The following NSUN4 variants were observed in gnomAD, a reference collection of about 807,000 sequenced individuals.
The protein encoded by NSUN4 is NOP2/Sun RNA methyltransferase 4.
A neutral mutation model predicts 43.8 loss-of-function variants in NSUN4; 31 were observed. That is an observed-to-expected ratio of 0.71 (90% CI 0.53 to 0.96). The LOEUF is 0.96. Among genes scored for constraint, NSUN4 ranks in the 40% least tolerant of loss-of-function variants. The pLI is 0.00. For missense variants in NSUN4, 439 were observed against 475.6 expected, an observed-to-expected ratio of 0.92 and a Z score of 0.72; for synonymous variants, 167 against 184.1, an observed-to-expected ratio of 0.91 and a Z score of 0.75.
intron 1 of NSUN4, 84 bp downstream of exon 1, chr1:46,341,003 C>A: frequency 7.5e-7 from 1 of 1,330,640 alleles, no homozygotes; most frequent in Non-Finnish European, 1.0e-6. Flanking sequence ...TCTAGAACGC[C>A]TAGCGTCTTT....
chr1:46,382,812 G>A, the NSUN4 span, among the ~76,000 whole-genome samples: 5 of 152,172 alleles, frequency 3.3e-5, no homozygotes, highest in African/African-American at 9.6e-5. Flanking sequence ...ATGTTGGTCA[G>A]GCTGGTCTCG....
At chr1:46,349,827 G>A (rs182296247) in intron 3 of NSUN4, among the ~76,000 whole-genome samples, 2 of 152,288 alleles carry the variant, frequency 1.3e-5, no homozygotes, top group Admixed American at 6.5e-5. Flanking sequence ...TGAATGCTGT[G>A]GGAATCCATT....
intron 3 of NSUN4, among the ~76,000 whole-genome samples, chr1:46,348,221 T>A (rs1662667334): frequency 6.6e-6 from 1 of 152,128 alleles, no homozygotes; most frequent in Non-Finnish European, 1.5e-5. Context: ...CTGGCTGATA[T>A]CCTGCCTGCC....
chr1:46,351,757 C>T (rs1033291825), intron 3 of NSUN4, among the ~76,000 whole-genome samples: 1 of 149,840 alleles, frequency 6.7e-6, no homozygotes, highest in Admixed American at 6.7e-5. Context: ...CTCTGCCTCC[C>T]GGGTTCACGC....
At chr1:46,342,995 A>C (rs779315168) in intron 1 of NSUN4, 4 of 399,576 alleles carry the variant, frequency 1.0e-5, no homozygotes, top group Non-Finnish European at 1.3e-5. Flanking sequence ...TGGTCCCTAG[A>C]GCTCTCAAAA....
intron 3 of NSUN4, among the ~76,000 whole-genome samples, chr1:46,348,071 A>G (rs185635559): frequency 5.9e-4 from 90 of 152,104 alleles, no homozygotes; most frequent in African/African-American, 2.0e-3. Flanking sequence ...TAGTAGAGAC[A>G]GGGTTTCACC....
intron 1 of NSUN4, chr1:46,344,095 T>A: frequency 3.9e-6 from 1 of 254,622 alleles, no homozygotes; most frequent in East Asian, 6.9e-5. Context: ...TCATTTCTCT[T>A]TTACTCTGCC....
chr1:46,342,464 G>A (rs1158635488), intron 1 of NSUN4: 1 of 399,034 alleles, frequency 2.5e-6, no homozygotes, highest in African/African-American at 2.1e-5. Context: ...CCATCTGCCT[G>A]TGCCCCGGGA....
At chr1:46,380,975 G>A in the NSUN4 span, among the ~76,000 whole-genome samples, 4 of 152,044 alleles carry the variant, frequency 2.6e-5, no homozygotes, top group Non-Finnish European at 5.9e-5. Context: ...TATTTGCTGT[G>A]GGGGGATACT....
At chr1:46,373,902 C>T in the NSUN4 span, among the ~76,000 whole-genome samples, 2 of 151,194 alleles carry the variant, frequency 1.3e-5, no homozygotes, top group African/African-American at 4.9e-5. Flanking sequence ...ATGGTGGTTA[C>T]CAGAGGTGTG....
chr1:46,353,320 C>T (rs1181662003), intron 4 of NSUN4, among the ~76,000 whole-genome samples: 1 of 152,170 alleles, frequency 6.6e-6, no homozygotes. Flanking sequence ...CAGAAAGCCT[C>T]ATGAAGGTAA....
rs1306070936 is a variant in NSUN4, at chr1:46,364,323, ACT to A, written c.*2480_*2481del. On this transcript the variant is annotated 3_prime_UTR_variant, in exon 6 of 6. Coordinates refer to ENST00000474844, the MANE Select transcript of NSUN4 (RefSeq NM_199044.4). Reference sequence around the variant, plus strand: ...ACTCCAGCCAGGGTGACAGAGTGAGACTCTGTCTCAAAAAAAAAAAAAAAAAA... The same window carrying A: ...ACTCCAGCCAGGGTGACAGAGTGAGACTGTCTCAAAAAAAAAAAAAAAAAA... 7.4e-5 allele frequency: 7 copies of A among 95,162 alleles called. No individual in the cohort carries two copies. The Admixed American group carries it at 1.0e-3, about 14-fold the overall frequency. The allele number at this position is 95,162 out of a possible 1,614,324, so 5.9% of individuals were successfully genotyped here.
At position 46,348,808 on chromosome 1, in the gene NSUN4, GTTTTTTTTTT is replaced by G. The variant is rs869234807; in HGVS notation, c.592+1748_592+1757del. On this transcript the variant is annotated intron_variant, in intron 3 of 5. Transcript: ENST00000474844. ...TAGCCCAGCGAAGGCCTTGTGCACTGTTTTTTTTTTTTTTTTTTTTTTTTGAGAAGAAGTT... is the reference window on the plus strand; with the variant it reads ...TAGCCCAGCGAAGGCCTTGTGCACTGTTTTTTTTTTTTTTGAGAAGAAGTT... 1.8e-4 allele frequency among the ~76,000 whole-genome samples: 14 copies of G among 77,868 alleles called. No homozygotes were observed. In the East Asian group the frequency reaches 5.6e-3, roughly 31 times the overall value. 51.1% of individuals were successfully genotyped at this position (77,868 alleles called of 152,430 possible).
intron 3 of NSUN4, among the ~76,000 whole-genome samples, chr1:46,350,932 G>C (rs1045216755): frequency 2.0e-5 from 3 of 152,224 alleles, no homozygotes; most frequent in African/African-American, 7.2e-5. Flanking sequence ...TTTGAGTCAA[G>C]AGGAAAGGAT....
chr1:46,341,683 C>G, intron 1 of NSUN4: 1 of 1,228,610 alleles, frequency 8.1e-7, no homozygotes, highest in Non-Finnish European at 1.0e-6. Context: ...GGGAGATGGT[C>G]TTTTGAGTCC....
intron 3 of NSUN4, among the ~76,000 whole-genome samples, chr1:46,347,294 T>A (rs1662582486): frequency 6.6e-6 from 1 of 152,124 alleles, no homozygotes; most frequent in Admixed American, 6.6e-5. Context: ...ATAAATTAGC[T>A]GGGTGTGGTG....
At chr1:46,350,942 T>C (rs765343144) in intron 3 of NSUN4, among the ~76,000 whole-genome samples, 1 of 152,214 alleles carries the variant, frequency 6.6e-6, no homozygotes, top group East Asian at 1.9e-4. Context: ...GAGGAAAGGA[T>C]TGGGCAAAAG....
In NSUN4 at chr1:46,362,788, C is replaced by T. The variant is rs67142569; in HGVS notation, c.*942C>T. 0.22 allele frequency: 34,085 copies of T among 151,928 alleles called. 4,295 individuals carry two copies. The highest frequency in any genetic ancestry group is 0.29 in the Non-Finnish European group (19,770 of 67,966). The allele number at this position is 151,928 out of a possible 1,614,324, so 9.4% of individuals were successfully genotyped here. ...CTGAGCTCTGGTGCCTGTTCTTTGG[C>T]CCACCCCCTAATCCCTAACTCTTCC... On this transcript the variant is annotated 3_prime_UTR_variant, in exon 6 of 6. Coordinates refer to ENST00000474844, the MANE Select transcript of NSUN4 (RefSeq NM_199044.4).
the NSUN4 span, among the ~76,000 whole-genome samples, chr1:46,384,505 A>G: frequency 6.6e-6 from 1 of 152,196 alleles, no homozygotes; most frequent in African/African-American, 2.4e-5. Context: ...AATTGAGGCT[A>G]TTATTCCTTT....
Sources: allele counts gnomAD v4.1 joint callset (sites outside exome capture counted in the v4.1 genomes callset), GRCh38; gene constraint gnomAD v4.1.1; transcripts MANE v1.5; gene names NCBI Gene and HGNC (gene_info 2026-07-23, HGNC 2026-07-21).